Variants in CDYL observed in about 807,000 individuals in gnomAD.
The protein encoded by CDYL is chromodomain Y-like protein.
In CDYL, 8 loss-of-function variants were observed where a neutral mutation model predicts 47.3. The observed-to-expected ratio is 0.17, with a 90% CI of 0.10 to 0.31. The LOEUF is 0.31. Among genes scored for constraint, CDYL ranks in the 10% least tolerant of loss-of-function variants. The probability of loss-of-function intolerance (pLI) is 1.00; values close to 1 mark genes in which losing one functional copy is unlikely to be tolerated. For synonymous variants in CDYL, 266 were observed against 265.0 expected (o/e 1.00, Z -0.04); for missense variants, 471 against 701.4 (o/e 0.67, Z 3.71).
intron 2 of CDYL, among the ~76,000 whole-genome samples, chr6:4,920,563 G>A (rs1757682334): frequency 6.6e-6 from 1 of 152,170 alleles, no homozygotes; most frequent in Admixed American, 6.5e-5. Context: ...GCAGTAGGAG[G>A]GATAAAAGCA....
At chr6:4,867,937 G>A (rs561647923) in intron 1 of CDYL, among the ~76,000 whole-genome samples, 55 of 151,958 alleles carry the variant, frequency 3.6e-4, no homozygotes, top group Admixed American at 1.2e-3. Context: ...CTTTCTGCCA[G>A]GTGTAGGTAG....
At chr6:4,778,421 G>A (rs1475195557) in intron 1 of CDYL, among the ~76,000 whole-genome samples, 1 of 152,150 alleles carries the variant, frequency 6.6e-6, no homozygotes, top group Admixed American at 6.5e-5. Context: ...ACTAAGTTTA[G>A]TTCCTTCTGT....
chr6:4,925,487 C>G (rs956637646), intron 2 of CDYL, among the ~76,000 whole-genome samples: 1 of 146,310 alleles, frequency 6.8e-6, no homozygotes, highest in Non-Finnish European at 1.5e-5. Flanking sequence ...TCTCGGCTCA[C>G]TGCAAGCTCC....
intron 2 of CDYL, among the ~76,000 whole-genome samples, chr6:4,911,303 G>C (rs1441399734): frequency 6.6e-6 from 1 of 152,244 alleles, no homozygotes; most frequent in Non-Finnish European, 1.5e-5. Flanking sequence ...GTGGGCTGCA[G>C]ATTTGGCTTT....
At chr6:4,938,433 T>G (rs1444818205) in intron 4 of CDYL, among the ~76,000 whole-genome samples, 1 of 152,236 alleles carries the variant, frequency 6.6e-6, no homozygotes, top group Non-Finnish European at 1.5e-5. Context: ...AATTTTCAGT[T>G]TAATTTTTTA....
chr6:4,875,347 A>G (rs1409858196), intron 1 of CDYL, among the ~76,000 whole-genome samples: 3 of 152,204 alleles, frequency 2.0e-5, no homozygotes, highest in Non-Finnish European at 2.9e-5. Flanking sequence ...GTCAGTTTCC[A>G]TGAAAAAGCC....
chr6:4,772,841 C>T (rs116056374), upstream of CDYL: 716 of 297,124 alleles, frequency 2.4e-3, 7 homozygotes, highest in African/African-American at 0.015. Flanking sequence ...AACCATAAAA[C>T]GCCTTTGGCT....
intron 1 of CDYL, among the ~76,000 whole-genome samples, chr6:4,799,796 A>G (rs1759174856): frequency 6.6e-6 from 1 of 152,162 alleles, no homozygotes; most frequent in African/African-American, 2.4e-5. Context: ...AATTACTGAG[A>G]AATATGTTAG....
chr6:4,898,549 C>CT (rs1762352810), intron 2 of CDYL, among the ~76,000 whole-genome samples: 1 of 152,158 alleles, frequency 6.6e-6, no homozygotes, highest in Non-Finnish European at 1.5e-5. Context: ...GGGAGTAGTC[C>CT]TTTGAGACAT....
chr6:4,717,657 A>G (rs1358805062), intron 2 of CDYL, among the ~76,000 whole-genome samples: 1 of 133,524 alleles, frequency 7.5e-6, no homozygotes, highest in Non-Finnish European at 1.6e-5. Flanking sequence ...GTGAGCTATG[A>G]TCAGGTCATT....
At chr6:4,898,099 G>A (rs1762339824) in intron 2 of CDYL, among the ~76,000 whole-genome samples, 2 of 152,070 alleles carry the variant, frequency 1.3e-5, no homozygotes, top group Admixed American at 1.3e-4. Flanking sequence ...CATGCCCCCT[G>A]TAGTCCCAGC....
intron 2 of CDYL, among the ~76,000 whole-genome samples, chr6:4,911,374 A>G (rs1455546550): frequency 2.0e-5 from 3 of 152,234 alleles, no homozygotes; most frequent in Non-Finnish European, 4.4e-5. Flanking sequence ...GTGCTCTCAC[A>G]CATACATGCG....
At chr6:4,932,638 AC>A (rs1331690102) in intron 2 of CDYL, among the ~76,000 whole-genome samples, 1 of 152,200 alleles carries the variant, frequency 6.6e-6, no homozygotes, top group Admixed American at 6.5e-5. Context: ...ACTTGGCATT[AC>A]CAGCTGCTGG....
intron 3 of CDYL, among the ~76,000 whole-genome samples, chr6:4,769,603 A>G (rs1758306183): frequency 6.6e-6 from 1 of 152,240 alleles, no homozygotes; most frequent in East Asian, 1.9e-4. Context: ...TAGTTTTAAA[A>G]TATCAAATTA....
At chr6:4,925,414 T>C (rs983816905) in intron 2 of CDYL, among the ~76,000 whole-genome samples, 13 of 138,244 alleles carry the variant, frequency 9.4e-5, no homozygotes, top group African/African-American at 3.8e-4. Context: ...TTTTTCTTTT[T>C]TTTTTTTTTT....
intron 1 of CDYL, among the ~76,000 whole-genome samples, chr6:4,848,510 A>G (rs888468616): frequency 7.2e-5 from 11 of 152,266 alleles, no homozygotes; most frequent in African/African-American, 2.2e-4. Context: ...GACCAGGCAC[A>G]TGAGAACAGT....
At chr6:4,761,519 T>G (rs1050584297) in intron 3 of CDYL, among the ~76,000 whole-genome samples, 41 of 151,568 alleles carry the variant, frequency 2.7e-4, no homozygotes, top group Non-Finnish European at 2.9e-5. Flanking sequence ...AATTTTTCTA[T>G]TTTTAATAGA....
At chr6:4,721,285 G>T (rs904636080) in intron 2 of CDYL, among the ~76,000 whole-genome samples, 3 of 151,954 alleles carry the variant, frequency 2.0e-5, no homozygotes, top group Non-Finnish European at 2.9e-5. Flanking sequence ...TAAAAAAATT[G>T]AATGTATTTT....
chr6:4,824,978 T>A (rs1759938761), intron 1 of CDYL, among the ~76,000 whole-genome samples: 2 of 152,186 alleles, frequency 1.3e-5, no homozygotes, highest in Admixed American at 1.3e-4. Context: ...TCAAGCAATT[T>A]TTGTGCCTCA....
Sources: allele counts gnomAD v4.1 joint callset (sites outside exome capture counted in the v4.1 genomes callset), GRCh38; gene constraint gnomAD v4.1.1; transcripts MANE v1.5; gene names NCBI Gene and HGNC (gene_info 2026-07-23, HGNC 2026-07-21).